The following KCNH7 variants were observed in gnomAD, a reference collection of about 807,000 sequenced individuals.
The protein encoded by KCNH7 is potassium voltage-gated channel subfamily H member 7, also known as voltage-gated inwardly rectifying potassium channel KCNH7.
Under a neutral mutation model 120.8 loss-of-function variants are expected in KCNH7, and 49 were observed. That is an observed-to-expected ratio of 0.41 (90% confidence interval 0.32 to 0.51). KCNH7 has a LOEUF of 0.51. Ranked by LOEUF, KCNH7 falls within the 20% of genes least tolerant of loss-of-function variation. KCNH7 has a pLI of 0.38. For synonymous variants in KCNH7, 547 were observed against 516.1 expected, an observed-to-expected ratio of 1.06 and a Z score of -0.81; for missense variants, 1,097 against 1,446.6, an observed-to-expected ratio of 0.76 and a Z score of 3.92.
chr2:162,639,590 A>G (rs1436261235), intron 2 of KCNH7, among the ~76,000 whole-genome samples: 1 of 152,130 alleles, frequency 6.6e-6, no homozygotes, highest in Non-Finnish European at 1.5e-5. Context: ...TAGCTGACAT[A>G]AAAGCTAACC....
chr2:162,831,293 A>G (rs1437411166), intron 2 of KCNH7, among the ~76,000 whole-genome samples: 1 of 152,162 alleles, frequency 6.6e-6, no homozygotes, highest in Non-Finnish European at 1.5e-5. Context: ...TAGGTGATTC[A>G]TGTTTTGGGA....
chr2:162,696,205 T>G (rs974587465), intron 2 of KCNH7, among the ~76,000 whole-genome samples: 1 of 152,144 alleles, frequency 6.6e-6, no homozygotes, highest in African/African-American at 2.4e-5. Flanking sequence ...AGTACTTAGA[T>G]AATGTAGATA....
chr2:162,621,541 T>C (rs1165501309), intron 2 of KCNH7, among the ~76,000 whole-genome samples: 1 of 152,138 alleles, frequency 6.6e-6, no homozygotes, highest in Non-Finnish European at 1.5e-5. Context: ...TTCTTGACAA[T>C]TGATTATGTA....
intron 3 of KCNH7, among the ~76,000 whole-genome samples, chr2:162,527,582 T>C (rs1456077496): frequency 6.6e-6 from 1 of 151,970 alleles, no homozygotes; most frequent in Non-Finnish European, 1.5e-5. Flanking sequence ...CCAAAGCATA[T>C]GAATAAAATT....
chr2:162,678,038 T>C (rs1197745104), intron 2 of KCNH7, among the ~76,000 whole-genome samples: 1 of 151,522 alleles, frequency 6.6e-6, no homozygotes, highest in Non-Finnish European at 1.5e-5. Context: ...TTTGTAAATA[T>C]GCAAGTGTTA....
intron 2 of KCNH7, among the ~76,000 whole-genome samples, chr2:162,578,335 T>C (rs1389261426): frequency 6.6e-6 from 1 of 152,122 alleles, no homozygotes; most frequent in Admixed American, 6.6e-5. Flanking sequence ...TATTTTGTGC[T>C]TTACGGCTTT....
At chr2:162,466,670 C>A (rs1226789068) in intron 6 of KCNH7, among the ~76,000 whole-genome samples, 1 of 152,102 alleles carries the variant, frequency 6.6e-6, no homozygotes, top group African/African-American at 2.4e-5. Flanking sequence ...TCTGAGGCTG[C>A]CATTTTGTGT....
At chr2:162,471,376 A>C (rs1689522096) in intron 6 of KCNH7, among the ~76,000 whole-genome samples, 1 of 152,048 alleles carries the variant, frequency 6.6e-6, no homozygotes, top group African/African-American at 2.4e-5. Context: ...ATATATTTGC[A>C]TGTTTCTATA....
At chr2:162,717,159 C>A (rs1379260386) in intron 2 of KCNH7, among the ~76,000 whole-genome samples, 2 of 152,014 alleles carry the variant, frequency 1.3e-5, no homozygotes, top group Admixed American at 1.3e-4. Context: ...TGTGAACAGA[C>A]AATGTTCTTT....
chr2:162,776,794 G>T (rs1295743325), intron 2 of KCNH7, among the ~76,000 whole-genome samples: 3 of 152,088 alleles, frequency 2.0e-5, no homozygotes, highest in African/African-American at 7.2e-5. Context: ...TGAGATATTA[G>T]GTATATTTCT....
intron 2 of KCNH7, among the ~76,000 whole-genome samples, chr2:162,661,222 G>A (rs1450333698): frequency 6.6e-6 from 1 of 152,030 alleles, no homozygotes; most frequent in Non-Finnish European, 1.5e-5. Flanking sequence ...CAAACTCTTT[G>A]GGTCTTCACC....
Position 162,460,481 on chromosome 2 carries a change from A to C in KCNH7, c.1129-14038T>G, listed in dbSNP as rs888451133. 2.6e-5 allele frequency among the ~76,000 whole-genome samples: 4 copies of C among 152,224 alleles called. No individual in the cohort carries two copies. The South Asian group carries it at 6.2e-4, about 24-fold the overall frequency. The stretch of plus-strand genomic sequence containing the variant: ...ATGAAATTAGAATTCCGCTTAGTTC[A>C]TCAATGCCTTGTCTTTTAGAAGAGA... On this transcript the variant is annotated intron_variant, in intron 6 of 15. Coordinates refer to ENST00000332142, the MANE Select transcript of KCNH7 (RefSeq NM_033272.4).
At chr2:162,752,765 G>T (rs965935185) in intron 2 of KCNH7, among the ~76,000 whole-genome samples, 1 of 150,964 alleles carries the variant, frequency 6.6e-6, no homozygotes, top group African/African-American at 2.4e-5. Flanking sequence ...CGGGTGTGAT[G>T]GTGTGTGCCT....
chr2:162,817,546 T>A (rs74902930), intron 2 of KCNH7, among the ~76,000 whole-genome samples: 3,931 of 152,228 alleles, frequency 0.026, 165 homozygotes, highest in African/African-American at 0.089. Flanking sequence ...AAATCATTTG[T>A]GGACATATAT....
chr2:162,556,841 C>A (rs935505803), intron 2 of KCNH7, among the ~76,000 whole-genome samples: 2 of 152,032 alleles, frequency 1.3e-5, no homozygotes, highest in African/African-American at 4.8e-5. Context: ...ATTTTAAAAC[C>A]ACACAGCATT....
chr2:162,630,750 G>T (rs574999483), intron 2 of KCNH7, among the ~76,000 whole-genome samples: 1 of 152,122 alleles, frequency 6.6e-6, no homozygotes, highest in Non-Finnish European at 1.5e-5. Flanking sequence ...CTAAAGGTTG[G>T]GTCAGCCAGG....
chr2:162,687,175 C>A (rs1237777208), intron 2 of KCNH7, among the ~76,000 whole-genome samples: 1 of 152,184 alleles, frequency 6.6e-6, no homozygotes, highest in Non-Finnish European at 1.5e-5. Flanking sequence ...ACGGTGCCAT[C>A]TTCACGCCTC....
chr2:162,767,778 A>C (rs1294191376), intron 2 of KCNH7, among the ~76,000 whole-genome samples: 1 of 152,184 alleles, frequency 6.6e-6, no homozygotes, highest in Non-Finnish European at 1.5e-5. Flanking sequence ...GTATTAAAAC[A>C]CTTTTAATAA....
At chr2:162,810,843 A>G (rs1187068924) in intron 2 of KCNH7, among the ~76,000 whole-genome samples, 3 of 152,170 alleles carry the variant, frequency 2.0e-5, no homozygotes, top group East Asian at 1.9e-4. Flanking sequence ...GTCCTAGTTT[A>G]TCTTAAAATA....
Sources: allele counts gnomAD v4.1 joint callset (sites outside exome capture counted in the v4.1 genomes callset), GRCh38; gene constraint gnomAD v4.1.1; transcripts MANE v1.5; gene names NCBI Gene and HGNC (gene_info 2026-07-23, HGNC 2026-07-21).